Variants in DNAJC24 observed in about 807,000 individuals in gnomAD.
DNAJC24 encodes DnaJ heat shock protein family (Hsp40) member C24.
DNAJC24 carries 17 observed loss-of-function variants against 18.0 expected under a neutral mutation model. The observed-to-expected ratio is 0.94, with a 90% CI of 0.65 to 1.42. The LOEUF is 1.42. DNAJC24 is among the 40% of genes most tolerant of loss of function. The probability of loss-of-function intolerance (pLI) is 0.00; values close to 1 mark genes in which losing one functional copy is unlikely to be tolerated. For synonymous variants in DNAJC24, 55 were observed against 57.7 expected (o/e 0.95, Z 0.21); for missense variants, 158 against 175.6 (o/e 0.90, Z 0.57).
At chr11:31,391,438 G>A (rs1052650704) in intron 2 of DNAJC24, among the ~76,000 whole-genome samples, 1 of 152,082 alleles carries the variant, frequency 6.6e-6, no homozygotes, top group Non-Finnish European at 1.5e-5. Context: ...TTTAAAATGG[G>A]CAAAAAACTT....
chr11:31,411,068 A>C (rs1474044418), intron 2 of DNAJC24, among the ~76,000 whole-genome samples: 1 of 152,204 alleles, frequency 6.6e-6, no homozygotes, highest in African/African-American at 2.4e-5. Flanking sequence ...GGCAAGAAAA[A>C]AAATAAGACT....
intron 4 of DNAJC24, among the ~76,000 whole-genome samples, chr11:31,428,175 G>A (rs184474373): frequency 5.9e-5 from 9 of 151,978 alleles, no homozygotes; most frequent in Admixed American, 1.3e-4. Context: ...ATCATCAAGC[G>A]TTATCATCAA....
At chr11:31,378,629 G>A (rs1952343608) in intron 2 of DNAJC24, among the ~76,000 whole-genome samples, 1 of 151,866 alleles carries the variant, frequency 6.6e-6, no homozygotes, top group Non-Finnish European at 1.5e-5. Context: ...TTAAAAAAAA[G>A]CAGGCAGTCA....
chr11:31,387,244 G>C (rs1952438868), intron 2 of DNAJC24, among the ~76,000 whole-genome samples: 1 of 152,166 alleles, frequency 6.6e-6, no homozygotes, highest in Non-Finnish European at 1.5e-5. Flanking sequence ...CTGCGACCTT[G>C]AGTGAACATA....
chr11:31,421,212 A>G (rs866867048), intron 3 of DNAJC24, among the ~76,000 whole-genome samples: 8 of 152,310 alleles, frequency 5.3e-5, no homozygotes, highest in South Asian at 2.1e-4. Flanking sequence ...ATTATGTTCA[A>G]GTTACTTCCC....
chr11:31,413,493 G>A (rs2133496848), intron 2 of DNAJC24, among the ~76,000 whole-genome samples: 1 of 151,880 alleles, frequency 6.6e-6, no homozygotes, highest in Admixed American at 6.6e-5. Flanking sequence ...ACCACACCTG[G>A]CCAATATTTT....
At chr11:31,423,188 A>T (rs1264031338) in intron 3 of DNAJC24, among the ~76,000 whole-genome samples, 4 of 152,228 alleles carry the variant, frequency 2.6e-5, no homozygotes, top group Non-Finnish European at 5.9e-5. Context: ...AGAGAAGTGC[A>T]TAAATCTAAG....
rs151217876 is a variant in DNAJC24, at chr11:31,422,383, T to G, written c.251-3904T>G. Among the ~76,000 whole-genome samples the G allele has an allele frequency of 2.0e-4, 30 of 152,328 alleles. No homozygotes were observed. In the East Asian group the frequency reaches 3.3e-3, roughly 17 times the overall value. On this transcript the variant is annotated intron_variant, in intron 3 of 4. Coordinates refer to ENST00000465995, the MANE Select transcript of DNAJC24 (RefSeq NM_181706.5). ...GGACTCATTATAAGAGTATACCATATGCCAGACAATGCTTTTTATTTCCGA... is the reference window on the plus strand; with the variant it reads ...GGACTCATTATAAGAGTATACCATAGGCCAGACAATGCTTTTTATTTCCGA...
chr11:31,423,159 T>TA (rs1262136839), intron 3 of DNAJC24, among the ~76,000 whole-genome samples: 1 of 152,234 alleles, frequency 6.6e-6, no homozygotes, highest in African/African-American at 2.4e-5. Context: ...TTTAAAACTT[T>TA]AAAAATTTTA....
At chr11:31,405,143 C>T (rs1462033305) in intron 2 of DNAJC24, among the ~76,000 whole-genome samples, 8 of 149,072 alleles carry the variant, frequency 5.4e-5, no homozygotes, top group African/African-American at 2.0e-4. Flanking sequence ...GACCTCAGCT[C>T]ACTGCAACCT....
At position 31,430,857 on chromosome 11, in the gene DNAJC24, TAAGG is replaced by T. The variant is rs1952915722; in HGVS notation, c.*461_*464del. 1 of 152,590 alleles carries T rather than the reference TAAGG, an allele frequency of 6.6e-6. No homozygotes were observed. Among genetic ancestry groups the T allele is most frequent in the Non-Finnish European group, 1.5e-5 (1 of 68,056 alleles). 9.5% of individuals were successfully genotyped at this position (152,590 alleles called of 1,614,324 possible). ...GAATAATGTGAGGCCAGTTCTTCCA[TAAGG>T]AAGGCTGGTTATGGATATTCATAAG... On this transcript the variant is annotated 3_prime_UTR_variant, in exon 5 of 5. Transcript: ENST00000465995.
At chr11:31,413,563 A>T (rs1952729030) in intron 2 of DNAJC24, among the ~76,000 whole-genome samples, 1 of 151,848 alleles carries the variant, frequency 6.6e-6, no homozygotes, top group South Asian at 2.1e-4. Context: ...CGATCTCCTG[A>T]CCTTGTGATC....
chr11:31,391,914 G>GTTGAATATA (rs1952499969), intron 2 of DNAJC24, among the ~76,000 whole-genome samples: 1 of 152,132 alleles, frequency 6.6e-6, no homozygotes, highest in South Asian at 2.1e-4. Context: ...GTCCTATTCA[G>GTTGAATATA]CCATAAAAAG....
intron 2 of DNAJC24, among the ~76,000 whole-genome samples, chr11:31,391,239 T>C (rs919077213): frequency 1.3e-5 from 2 of 152,104 alleles, no homozygotes; most frequent in African/African-American, 4.8e-5. Context: ...AACCCACAGC[T>C]AGTATTATAT....
At chr11:31,392,709 CTTTTTTT>C (rs1194936438) in intron 2 of DNAJC24, among the ~76,000 whole-genome samples, 2 of 129,322 alleles carry the variant, frequency 1.5e-5, no homozygotes, top group African/African-American at 5.7e-5. Context: ...TCACAATTTT[CTTTTTTT>C]TTTTTTTTTT....
rs973621525 is a variant in DNAJC24 at position 31,420,185 on chromosome 11, CT to C, written c.250+5237del. 1.5e-4 allele frequency among the ~76,000 whole-genome samples: 23 copies of C among 152,178 alleles called. 1 individual carries two copies. Among genetic ancestry groups the C allele is most frequent in the Admixed American group, 1.2e-3 (19 of 15,268 alleles). On this transcript the variant is annotated intron_variant, in intron 3 of 4. Transcript: ENST00000465995. Reference sequence around the variant, plus strand: ...TCAAACCTAATGTGAATTTTATCCCCTGGCCCATTTAGAGGCTCCCAGACAC... The same window carrying C: ...TCAAACCTAATGTGAATTTTATCCCCGGCCCATTTAGAGGCTCCCAGACAC...
At chr11:31,428,039 A>G (rs1420552786) in intron 4 of DNAJC24, 2 of 151,034 alleles carry the variant, frequency 1.3e-5, no homozygotes, top group African/African-American at 4.8e-5. Context: ...GAAGTATATT[A>G]TATATATATT....
intron 2 of DNAJC24, among the ~76,000 whole-genome samples, chr11:31,376,012 TGTTGTGGGAGGGACCCAGTGGG>T (rs1952310109): frequency 2.9e-5 from 3 of 105,098 alleles, no homozygotes; most frequent in South Asian, 3.4e-4. Context: ...AGTTCCCATG[TGTTGTGGGAGGGACCCAGTGGG>T]AGATAATTGA....
At chr11:31,413,556 T>A (rs1252602515) in intron 2 of DNAJC24, among the ~76,000 whole-genome samples, 1 of 151,896 alleles carries the variant, frequency 6.6e-6, no homozygotes, top group Non-Finnish European at 1.5e-5. Flanking sequence ...ATGGTCTCGA[T>A]CTCCTGACCT....
Sources: gnomAD v4.1 joint callset for allele counts (sites outside exome capture counted in the v4.1 genomes callset) on GRCh38, gnomAD v4.1.1 for gene constraint, MANE v1.5 for transcripts, NCBI Gene and HGNC (gene_info 2026-07-23, HGNC 2026-07-21) for gene names.